The following USP32 variants were observed in gnomAD, a reference collection of about 807,000 sequenced individuals.
The protein encoded by USP32 is ubiquitin carboxyl-terminal hydrolase 32.
In USP32, 59 loss-of-function variants were observed where a neutral mutation model predicts 204.8. The ratio of observed to expected loss-of-function variants is 0.29; its 90% CI spans 0.23 to 0.36. USP32 has a LOEUF of 0.36. Ranked by LOEUF, USP32 falls within the 10% of genes least tolerant of loss-of-function variation. The pLI is 1.00. For synonymous variants in USP32, 517 were observed against 678.4 expected (o/e 0.76, Z 3.70); for missense variants, 1,160 against 1,946.4 (o/e 0.60, Z 7.60).
At chr17:60,318,676 T>C (rs987376299) in intron 2 of USP32, among the ~76,000 whole-genome samples, 13 of 152,166 alleles carry the variant, frequency 8.5e-5, no homozygotes, top group Admixed American at 7.9e-4. Flanking sequence ...ATTTACAGAA[T>C]TGTTTTACTG....
At position 60,180,591 on chromosome 17, in the gene USP32, T is replaced by C. The variant is rs2084083324; in HGVS notation, c.4595A>G (p.Lys1532Arg). 6.2e-7 allele frequency: 1 copy of C among 1,613,802 alleles called. No homozygotes were observed. The highest frequency in any genetic ancestry group is 1.7e-4 in the Middle Eastern group (1 of 6,052). ...LGGGHYVTYA[K>R]NPNCKWYCYN... Reference sequence around the variant, plus strand: ...ACAGTACCACTTGCAGTTTGGGTTTTTGGCATAAGTGACGTAATGGCCCCC... The same window carrying C: ...ACAGTACCACTTGCAGTTTGGGTTTCTGGCATAAGTGACGTAATGGCCCCC... Residue 1532 changes from lysine to arginine, a missense_variant, in exon 33 of 34, where the codon AAA becomes AGA. Physicochemically the swap from Lys to Arg is conservative, Grantham distance 26. Transcript: ENST00000300896.
chr17:60,218,262 T>G (rs2085154811), intron 16 of USP32, among the ~76,000 whole-genome samples: 1 of 151,940 alleles, frequency 6.6e-6, no homozygotes, highest in Admixed American at 6.6e-5. Context: ...TGGGCGCCTG[T>G]AGTCCCAGCT....
At chr17:60,213,032 C>T (rs2085012098) in intron 18 of USP32, among the ~76,000 whole-genome samples, 1 of 152,176 alleles carries the variant, frequency 6.6e-6, no homozygotes, top group Admixed American at 6.5e-5. Flanking sequence ...GGATTACAGG[C>T]GTGAGCCACT....
At chr17:60,336,841 T>C (rs1279975134) in intron 2 of USP32, among the ~76,000 whole-genome samples, 8 of 152,154 alleles carry the variant, frequency 5.3e-5, no homozygotes. Flanking sequence ...ATTTCACAGA[T>C]TCTAGTTACA....
Position 60,339,115 on chromosome 17 carries a change from T to C in USP32, c.186+6366A>G, listed in dbSNP as rs150823981. Among the ~76,000 whole-genome samples, 1,435 of 151,824 alleles carry C rather than the reference T, an allele frequency of 9.5e-3. 32 individuals are homozygous for C. The highest frequency in any genetic ancestry group is 0.033 in the African/African-American group (1,380 of 41,406). The stretch of plus-strand genomic sequence containing the variant: ...AGTACAGATGGGGGTTTCACCATGT[T>C]GGCCAGGCTGGTCACAAACTCCTGA... On this transcript the variant is annotated intron_variant, in intron 2 of 33. Transcript: ENST00000300896.
At chr17:60,419,328 A>C (rs554167157) in intron 1 of USP32, among the ~76,000 whole-genome samples, 20 of 152,218 alleles carry the variant, frequency 1.3e-4, no homozygotes, top group African/African-American at 4.8e-4. Context: ...ACACATGAAC[A>C]CGTAGAGGGG....
At chr17:60,388,071 T>C (rs2089762482) in intron 1 of USP32, among the ~76,000 whole-genome samples, 1 of 152,086 alleles carries the variant, frequency 6.6e-6, no homozygotes, top group African/African-American at 2.4e-5. Flanking sequence ...GCCTAATTCA[T>C]ACCCAGCCTT....
intron 1 of USP32, among the ~76,000 whole-genome samples, chr17:60,353,638 G>C (rs1446135048): frequency 1.3e-5 from 2 of 152,136 alleles, no homozygotes; most frequent in Non-Finnish European, 2.9e-5. Flanking sequence ...CCACTCAGGA[G>C]GCTGAGGCAG....
intron 4 of USP32, among the ~76,000 whole-genome samples, chr17:60,293,513 AC>A (rs2145866175): frequency 6.6e-6 from 1 of 152,314 alleles, no homozygotes; most frequent in African/African-American, 2.4e-5. Flanking sequence ...AACCAAAAAC[AC>A]AGGAAGCACA....
chr17:60,376,096 A>G (rs2089535340), intron 1 of USP32, among the ~76,000 whole-genome samples: 1 of 152,054 alleles, frequency 6.6e-6, no homozygotes, highest in Admixed American at 6.6e-5. Context: ...CCCAGGCTGG[A>G]ATGCAGTGGC....
intron 9 of USP32, among the ~76,000 whole-genome samples, chr17:60,259,931 CT>C (rs1465591329): frequency 6.6e-6 from 1 of 152,158 alleles, no homozygotes; most frequent in Non-Finnish European, 1.5e-5. Flanking sequence ...TAGAAATATG[CT>C]GTAGGAACTT....
At chr17:60,421,692 C>T in intron 1 of USP32, 1 of 825,042 alleles carries the variant, frequency 1.2e-6, no homozygotes, top group Non-Finnish European at 1.5e-6. Flanking sequence ...CCGGGGCCTC[C>T]TGAGCACCTC....
At chr17:60,330,468 C>CTTTCT (rs1567855992) in intron 2 of USP32, among the ~76,000 whole-genome samples, 1 of 151,544 alleles carries the variant, frequency 6.6e-6, no homozygotes, top group East Asian at 1.9e-4. Flanking sequence ...TTCCTTCCTT[C>CTTTCT]TTTCTTTTCT....
At chr17:60,412,862 C>T (rs922635870) in intron 1 of USP32, among the ~76,000 whole-genome samples, 30 of 152,290 alleles carry the variant, frequency 2.0e-4, no homozygotes, top group African/African-American at 6.3e-4. Context: ...GAAAACCTTC[C>T]AGAAAGAGCC....
chr17:60,374,532 G>C (rs2089503891), intron 1 of USP32, among the ~76,000 whole-genome samples: 1 of 151,894 alleles, frequency 6.6e-6, no homozygotes, highest in Non-Finnish European at 1.5e-5. Flanking sequence ...TGAGTAGCTA[G>C]GACCACAGGC....
intron 1 of USP32, among the ~76,000 whole-genome samples, chr17:60,348,874 A>G (rs1228770342): frequency 6.6e-6 from 1 of 152,204 alleles, no homozygotes; most frequent in Non-Finnish European, 1.5e-5. Context: ...TAGAGTAATG[A>G]TAAAACAATA....
rs143028358 is a variant in USP32 at position 60,406,619 on chromosome 17, G to A, written c.106+15627C>T. 2.0e-3 allele frequency among the ~76,000 whole-genome samples: 311 copies of A among 151,856 alleles called. 7 individuals are homozygous for A. In the East Asian group the frequency reaches 0.049, roughly 24 times the overall value. ...TAATCTCCACCTCCCAGGTTCAAGCGATTCTCCTGCCTCAGCCTCCTGAGT... is the reference window on the plus strand; with the variant it reads ...TAATCTCCACCTCCCAGGTTCAAGCAATTCTCCTGCCTCAGCCTCCTGAGT... On this transcript the variant is annotated intron_variant, in intron 1 of 3. Transcript: ENST00000588898.
At chr17:60,355,857 G>GAA (rs60937652) in intron 1 of USP32, among the ~76,000 whole-genome samples, 4 of 43,058 alleles carry the variant, frequency 9.3e-5, no homozygotes, top group Non-Finnish European at 2.3e-4. Flanking sequence ...GAGAGAGAAA[G>GAA]AAAAAAAAAA....
chr17:60,229,768 C>T (rs2085493585), intron 12 of USP32, among the ~76,000 whole-genome samples: 1 of 152,140 alleles, frequency 6.6e-6, no homozygotes, highest in African/African-American at 2.4e-5. Flanking sequence ...TTTATACTCA[C>T]TTCTATATTC....
Sources: allele counts gnomAD v4.1 joint callset (sites outside exome capture counted in the v4.1 genomes callset), GRCh38; gene constraint gnomAD v4.1.1; transcripts MANE v1.5; gene names NCBI Gene and HGNC (gene_info 2026-07-23, HGNC 2026-07-21).